DCLRE1C: variants seen among roughly 807,000 people sequenced by gnomAD.
DCLRE1C encodes the protein protein artemis.
In DCLRE1C, 47 loss-of-function variants were observed where a neutral mutation model predicts 61.4. The ratio of observed to expected loss-of-function variants is 0.77; its 90% confidence interval spans 0.61 to 0.98. The LOEUF (loss-of-function observed/expected upper bound fraction) is 0.98. DCLRE1C is among the 50% of genes least tolerant of loss of function. The pLI, the probability that DCLRE1C is intolerant of heterozygous loss-of-function variation, is 0.00. For missense variants in DCLRE1C, 858 were observed against 816.0 expected (o/e 1.05, Z -0.63); for synonymous variants, 337 against 287.6 (o/e 1.17, Z -1.74).
chr10:14,899,955 G>T (rs1833882647), downstream of DCLRE1C, among the ~76,000 whole-genome samples: 1 of 152,024 alleles, frequency 6.6e-6, no homozygotes, highest in Non-Finnish European at 1.5e-5. Flanking sequence ...AACTTTGTAC[G>T]GTAGGTATTA....
At chr10:14,944,063 T>C (rs1841297529) in intron 3 of DCLRE1C, among the ~76,000 whole-genome samples, 1 of 152,236 alleles carries the variant, frequency 6.6e-6, no homozygotes. Flanking sequence ...TGTATTCTTC[T>C]AGCTGTCATC....
At chr10:14,926,807 A>T (rs1393283995) in intron 11 of DCLRE1C, 36 bp downstream of exon 11, 1 of 1,561,510 alleles carries the variant, frequency 6.4e-7, no homozygotes, top group Non-Finnish European at 8.8e-7. Flanking sequence ...CAGAACACTG[A>T]GCGATAAGGG....
At chr10:14,927,730 G>C (rs565357231) in intron 10 of DCLRE1C, among the ~76,000 whole-genome samples, 21 of 152,272 alleles carry the variant, frequency 1.4e-4, no homozygotes, top group African/African-American at 5.1e-4. Context: ...CAAGGGTTCT[G>C]TTCTGTATGA....
intron 11 of DCLRE1C, 129 bp from the exon 12 acceptor site, chr10:14,923,198 G>A (rs575022300): frequency 2.7e-5 from 20 of 737,746 alleles, no homozygotes; most frequent in South Asian, 1.0e-4. Flanking sequence ...CTGGCTGCAC[G>A]TGGGGATCAC....
At chr10:14,900,342 A>T (rs1588860262), downstream of DCLRE1C, among the ~76,000 whole-genome samples, 1 of 152,316 alleles carries the variant, frequency 6.6e-6, no homozygotes, top group Middle Eastern at 3.4e-3. Flanking sequence ...TTAGGGTGAC[A>T]TTATCTGCAT....
chr10:14,915,152 A>T (rs1257811285), intron 13 of DCLRE1C, among the ~76,000 whole-genome samples: 1 of 152,184 alleles, frequency 6.6e-6, no homozygotes, highest in Non-Finnish European at 1.5e-5. Flanking sequence ...GCTGCTAAAG[A>T]GGGAAAATTA....
intron 9 of DCLRE1C, among the ~76,000 whole-genome samples, chr10:14,930,263 C>G (rs1296884295): frequency 6.7e-6 from 1 of 150,338 alleles, no homozygotes; most frequent in Non-Finnish European, 1.5e-5. Context: ...AGGCATGCAC[C>G]ACCACACTCA....
At chr10:14,923,161 ACT>A (rs1837401333) in intron 11 of DCLRE1C, 92 bp from the exon 12 acceptor site, 4 of 961,380 alleles carry the variant, frequency 4.2e-6, no homozygotes, top group Non-Finnish European at 6.6e-6. Context: ...GAGAAGCAGA[ACT>A]CTCTTATGGC....
At chr10:14,926,226 T>C (rs1837952395) in intron 11 of DCLRE1C, among the ~76,000 whole-genome samples, 1 of 152,188 alleles carries the variant, frequency 6.6e-6, no homozygotes, top group Non-Finnish European at 1.5e-5. Flanking sequence ...TTGTTCTACC[T>C]GAGCCGAGAA....
intron 2 of DCLRE1C, 32 bp from the exon 3 acceptor site, chr10:14,945,221 C>G (rs759789378): frequency 6.3e-7 from 1 of 1,589,580 alleles, no homozygotes; most frequent in African/African-American, 1.3e-5. Flanking sequence ...ACTTTCAGTA[C>G]AATCCAAAAT....
intron 11 of DCLRE1C, among the ~76,000 whole-genome samples, 189 bp downstream of exon 11, chr10:14,926,654 A>G: frequency 6.7e-6 from 1 of 148,596 alleles, no homozygotes; most frequent in Admixed American, 6.8e-5. Flanking sequence ...ACACTGTCTC[A>G]ACCAAAAAAA....
chr10:14,933,559 C>T (rs41297948), intron 8 of DCLRE1C, among the ~76,000 whole-genome samples: 4,528 of 152,088 alleles, frequency 0.03, 121 homozygotes, highest in Middle Eastern at 0.082. Flanking sequence ...ATCACTTGAA[C>T]CCAGGAGGCA....
intron 1 of DCLRE1C, among the ~76,000 whole-genome samples, chr10:14,952,768 C>T (rs545834332): frequency 2.4e-4 from 36 of 152,082 alleles, no homozygotes; most frequent in Middle Eastern, 3.4e-3. Context: ...AATACGGCAA[C>T]GCACGAGAAG....
intron 1 of DCLRE1C, among the ~76,000 whole-genome samples, chr10:14,951,143 C>G (rs41304312): frequency 6.6e-6 from 1 of 151,962 alleles, no homozygotes; most frequent in African/African-American, 2.4e-5. Flanking sequence ...CTTTGGGAGG[C>G]TGAGGTGAGT....
intron 11 of DCLRE1C, among the ~76,000 whole-genome samples, chr10:14,926,364 G>C (rs1032012144): frequency 1.3e-5 from 2 of 152,140 alleles, no homozygotes; most frequent in South Asian, 4.1e-4. Flanking sequence ...CATAAAAATA[G>C]AATCCATGAA....
chr10:14,928,463 T>A (rs1222297046), intron 9 of DCLRE1C, among the ~76,000 whole-genome samples: 1 of 152,024 alleles, frequency 6.6e-6, no homozygotes, highest in Non-Finnish European at 1.5e-5. Flanking sequence ...CTCAAATAAA[T>A]CCTGGATGCC....
Position 14,934,458 on chromosome 10 carries a change from A to G in DCLRE1C, c.600T>C (p.His200=), listed in dbSNP as rs370483890. 6.2e-7 allele frequency: 1 copy of G among 1,614,240 alleles called. No homozygotes were observed. Among genetic ancestry groups the G allele is most frequent in the Non-Finnish European group, 8.5e-7 (1 of 1,180,044 alleles). Residue 200 remains histidine (H), a synonymous_variant, in exon 8 of 14, where the codon CAT becomes CAC. Transcript: ENST00000378278. The stretch of plus-strand genomic sequence containing the variant: ...CCGCTTTGCAGTTCAGCCACACAAC[A>G]TGGTACGGGCTCCGAGTGATCCAGC... ...VRSWITRSPY[H]VVWLNCKAAY... is the part of the protein sequence containing the mutation.
Position 14,909,155 on chromosome 10 carries a change from A to G in DCLRE1C, c.1332T>C (p.Ser444=). 6.2e-7 allele frequency: 1 copy of G among 1,614,220 alleles called. No individual in the cohort carries two copies. The highest frequency in any genetic ancestry group is 1.7e-5 in the Admixed American group (1 of 60,026). ...CACAATCTACAAAGTTTGTGAAACG[A>G]GAGCTCTGCATACACTCTGCTCTGC... The part of the protein sequence containing the change: ...GCCRAECMQS[S]RFTNFVDCEE... Residue 444 remains serine (S), a synonymous_variant, in exon 14 of 14, where the codon TCT becomes TCC. Coordinates refer to ENST00000378278, the MANE Select transcript of DCLRE1C (RefSeq NM_001033855.3).
chr10:14,923,730 G>C (rs1837504027), intron 11 of DCLRE1C: 1 of 153,488 alleles, frequency 6.5e-6, no homozygotes, highest in African/African-American at 2.4e-5. Context: ...TACTTGATTT[G>C]TTCAAATGGT....
Sources: allele counts gnomAD v4.1 joint callset (sites outside exome capture counted in the v4.1 genomes callset), GRCh38; gene constraint gnomAD v4.1.1; transcripts MANE v1.5; gene names NCBI Gene and HGNC (gene_info 2026-07-23, HGNC 2026-07-21).